RALGAPA2: variants seen among roughly 807,000 people sequenced by gnomAD.
The protein encoded by RALGAPA2 is Ral GTPase activating protein catalytic subunit alpha 2, also known as ral GTPase-activating protein subunit alpha-2.
A neutral mutation model predicts 230.4 loss-of-function variants in RALGAPA2; 139 were observed. The observed-to-expected ratio is 0.60, with a 90% CI of 0.53 to 0.69. The LOEUF is 0.69. Among genes scored for constraint, RALGAPA2 ranks in the 30% least tolerant of loss-of-function variants. RALGAPA2 has a pLI of 0.00. For synonymous variants in RALGAPA2, 847 were observed against 837.8 expected (o/e 1.01, Z -0.19); for missense variants, 2,163 against 2,276.0 (o/e 0.95, Z 1.01).
intron 37 of RALGAPA2, among the ~76,000 whole-genome samples, chr20:20,436,326 T>A (rs1332841638): frequency 6.6e-6 from 1 of 152,230 alleles, no homozygotes; most frequent in Non-Finnish European, 1.5e-5. Context: ...TCTCTACACA[T>A]GTGCTTTGCA....
chr20:20,571,351 G>A, intron 23 of RALGAPA2, 107 bp downstream of exon 23: 1 of 1,240,168 alleles, frequency 8.1e-7, no homozygotes, highest in Non-Finnish European at 1.1e-6. Flanking sequence ...AAACTACTGA[G>A]AAATTCAACA....
intron 37 of RALGAPA2, among the ~76,000 whole-genome samples, chr20:20,432,009 T>C (rs2060512712): frequency 1.3e-5 from 2 of 152,212 alleles, no homozygotes; most frequent in Non-Finnish European, 1.5e-5. Flanking sequence ...TATACATCAG[T>C]TAACTTGTAA....
At chr20:20,590,259 A>G (rs940010703) in intron 17 of RALGAPA2, among the ~76,000 whole-genome samples, 1 of 152,166 alleles carries the variant, frequency 6.6e-6, no homozygotes, top group African/African-American at 2.4e-5. Flanking sequence ...ATGATATTTT[A>G]AAACATTCCT....
At chr20:20,562,976 C>T (rs1602813577) in intron 23 of RALGAPA2, among the ~76,000 whole-genome samples, 1 of 152,180 alleles carries the variant, frequency 6.6e-6, no homozygotes, top group South Asian at 2.1e-4. Context: ...CTTGTCCATT[C>T]CCACAAAACC....
chr20:20,553,196 G>A (rs1464130240), intron 23 of RALGAPA2, among the ~76,000 whole-genome samples: 2 of 152,202 alleles, frequency 1.3e-5, no homozygotes, highest in Non-Finnish European at 2.9e-5. Context: ...GTACAACTAT[G>A]TTATGAAAGC....
chr20:20,602,813 C>CGTGTGTGTGTGT (rs35087554), intron 15 of RALGAPA2, among the ~76,000 whole-genome samples: 1 of 147,676 alleles, frequency 6.8e-6, no homozygotes, highest in Admixed American at 6.7e-5. Context: ...GAATGGCAGG[C>CGTGTGTGTGTGT]GTGTGTGTGT....
intron 20 of RALGAPA2, among the ~76,000 whole-genome samples, chr20:20,579,601 G>T (rs1268095696): frequency 6.6e-6 from 1 of 152,050 alleles, no homozygotes; most frequent in Non-Finnish European, 1.5e-5. Flanking sequence ...TGCTGAGGTT[G>T]AATTACTGAC....
At chr20:20,510,028 C>A (rs1250321336) in intron 33 of RALGAPA2, among the ~76,000 whole-genome samples, 1 of 152,126 alleles carries the variant, frequency 6.6e-6, no homozygotes, top group African/African-American at 2.4e-5. Context: ...CAAGAGTTTG[C>A]TTGAAAATAA....
At chr20:20,502,963 T>G (rs569638823) in intron 35 of RALGAPA2, among the ~76,000 whole-genome samples, 1 of 152,148 alleles carries the variant, frequency 6.6e-6, no homozygotes, top group Non-Finnish European at 1.5e-5. Flanking sequence ...CAAGGCAAGT[T>G]GAAGAATAAA....
chr20:20,616,389 A>G (rs900997145), intron 12 of RALGAPA2, among the ~76,000 whole-genome samples, 198 bp from the exon 13 acceptor site: 3 of 152,190 alleles, frequency 2.0e-5, no homozygotes, highest in African/African-American at 7.2e-5. Flanking sequence ...TCACTTAAAT[A>G]CAGAGACACC....
chr20:20,405,185 C>G (rs1012623278), intron 38 of RALGAPA2, among the ~76,000 whole-genome samples: 15 of 152,192 alleles, frequency 9.9e-5, no homozygotes, highest in African/African-American at 3.6e-4. Context: ...ATGGCATGGT[C>G]CATCTCAGGG....
At chr20:20,589,807 A>T (rs1165145084) in intron 17 of RALGAPA2, among the ~76,000 whole-genome samples, 1 of 152,050 alleles carries the variant, frequency 6.6e-6, no homozygotes, top group Non-Finnish European at 1.5e-5. Flanking sequence ...AAAAAAGGGA[A>T]TATCACCACA....
intron 37 of RALGAPA2, among the ~76,000 whole-genome samples, chr20:20,425,234 ATC>A: frequency 6.6e-6 from 1 of 152,198 alleles, no homozygotes; most frequent in Non-Finnish European, 1.5e-5. Context: ...CCTATAAACA[ATC>A]TCTTAGGCCC....
rs2059577070 is a variant in RALGAPA2 at position 20,389,909 on chromosome 20, T to C, written c.*3380A>G. The C allele has an allele frequency of 2.0e-5, 3 of 152,132 alleles. No homozygotes were observed. Among genetic ancestry groups the C allele is most frequent in the African/African-American group, 7.2e-5 (3 of 41,422 alleles). The allele number at this position is 152,132 out of a possible 1,614,324, so 9.4% of individuals were successfully genotyped here. A position where few individuals can be genotyped will look rare whatever the true frequency, so the allele number is the denominator to read the frequency against. On this transcript the variant is annotated 3_prime_UTR_variant, in exon 40 of 40. Transcript: ENST00000202677. ...AATTTACCATATTTATCAAATTTTT[T>C]CCTTATTTACATGTACTAAACATTG...
chr20:20,589,033 GACCAGGTGGTGA>G (rs2065211531), intron 18 of RALGAPA2, among the ~76,000 whole-genome samples: 1 of 152,168 alleles, frequency 6.6e-6, no homozygotes, highest in African/African-American at 2.4e-5. Context: ...GCCATACACA[GACCAGGTGGTGA>G]ACTCCATTTT....
intron 9 of RALGAPA2, among the ~76,000 whole-genome samples, chr20:20,633,065 CTCTT>C (rs963175692): frequency 1.3e-4 from 19 of 147,400 alleles, no homozygotes; most frequent in African/African-American, 4.3e-4. Context: ...TCTTTCTTTT[CTCTT>C]TCTCTTTCTT....
chr20:20,696,722 C>T (rs2069125547), intron 1 of RALGAPA2, among the ~76,000 whole-genome samples: 1 of 152,004 alleles, frequency 6.6e-6, no homozygotes, highest in Non-Finnish European at 1.5e-5. Flanking sequence ...GCTTAGAACA[C>T]TATTCCCCAA....
intron 36 of RALGAPA2, among the ~76,000 whole-genome samples, chr20:20,484,785 T>G (rs1434283801): frequency 6.6e-6 from 1 of 152,234 alleles, no homozygotes; most frequent in Non-Finnish European, 1.5e-5. Context: ...TTTTTGATGA[T>G]GAGCCCAATG....
intron 31 of RALGAPA2, among the ~76,000 whole-genome samples, chr20:20,519,068 T>C (rs2062958898): frequency 6.6e-6 from 1 of 152,132 alleles, no homozygotes; most frequent in Non-Finnish European, 1.5e-5. Context: ...CCATGTACCA[T>C]CCACCACCAA....
Sources: allele counts gnomAD v4.1 joint callset (sites outside exome capture counted in the v4.1 genomes callset), GRCh38; gene constraint gnomAD v4.1.1; transcripts MANE v1.5; gene names NCBI Gene and HGNC (gene_info 2026-07-23, HGNC 2026-07-21).